The following MR1 variants were observed in gnomAD, a reference collection of about 807,000 sequenced individuals.
MR1 encodes major histocompatibility complex, class I-related.
Under a neutral mutation model 37.8 loss-of-function variants are expected in MR1, and 44 were observed. That is an observed-to-expected ratio of 1.16 (90% CI 0.91 to 1.50). The LOEUF is 1.50. MR1 is among the 40% of genes most tolerant of loss of function. The pLI is 0.00. For synonymous variants in MR1, 153 were observed against 155.8 expected (o/e 0.98, Z 0.13); for missense variants, 386 against 419.1 (o/e 0.92, Z 0.69).
At chr1:181,048,534 CAA>C (rs200449698) in intron 1 of MR1, among the ~76,000 whole-genome samples, 2 of 142,260 alleles carry the variant, frequency 1.4e-5, no homozygotes. Flanking sequence ...GACTCCATCT[CAA>C]AAAAAAAAAA....
chr1:181,036,238 C>T (rs149252910), intron 1 of MR1, among the ~76,000 whole-genome samples: 35 of 152,202 alleles, frequency 2.3e-4, no homozygotes, highest in African/African-American at 8.2e-4. Flanking sequence ...ATTCTTATCT[C>T]TTAAGCCCTA....
At chr1:181,047,078 C>T (rs1657925439) in intron 1 of MR1, among the ~76,000 whole-genome samples, 2 of 152,136 alleles carry the variant, frequency 1.3e-5, no homozygotes, top group South Asian at 4.1e-4. Context: ...CACACCACCA[C>T]CCATAATGCC....
chr1:181,042,232 C>T (rs1321646880), intron 1 of MR1, among the ~76,000 whole-genome samples: 86 of 144,464 alleles, frequency 6.0e-4, no homozygotes, highest in Non-Finnish European at 2.5e-4. Flanking sequence ...GATGGAGTCT[C>T]GCTCTTGTTG....
At chr1:181,053,718 T>A in intron 5 of MR1, 41 bp downstream of exon 5, 1 of 1,347,798 alleles carries the variant, frequency 7.4e-7, no homozygotes, top group Non-Finnish European at 1.1e-6. Context: ...CTGCAGACTC[T>A]CCTGCATCTC....
In MR1 at chr1:181,043,191, A is replaced by C. The variant is rs2102373590; in HGVS notation, c.68-5861A>C. Among the ~76,000 whole-genome samples the C allele has an allele frequency of 2.6e-5, 4 of 152,252 alleles. No individual in the cohort carries two copies. The South Asian group carries it at 8.3e-4, about 32-fold the overall frequency. On this transcript the variant is annotated intron_variant, in intron 1 of 5. Coordinates refer to ENST00000367580, the MANE Select transcript of MR1 (RefSeq NM_001385161.1). ...TTCCACTGTCTTCCCTCCCAACCCAAGCCCTCACCCACCACAGGAAGGGAA... is the reference window on the plus strand; with the variant it reads ...TTCCACTGTCTTCCCTCCCAACCCACGCCCTCACCCACCACAGGAAGGGAA...
At chr1:181,047,731 A>G (rs1657986827) in intron 1 of MR1, among the ~76,000 whole-genome samples, 1 of 150,094 alleles carries the variant, frequency 6.7e-6, no homozygotes, top group East Asian at 2.0e-4. Context: ...CCCCATCTCT[A>G]CTTTAAAAAT....
At chr1:181,045,261 G>C (rs1354870429) in intron 1 of MR1, among the ~76,000 whole-genome samples, 1 of 152,142 alleles carries the variant, frequency 6.6e-6, no homozygotes, top group African/African-American at 2.4e-5. Context: ...AGGACAAAAG[G>C]CTTGGACATG....
At chr1:181,039,284 C>A (rs904126796) in intron 1 of MR1, among the ~76,000 whole-genome samples, 1 of 152,200 alleles carries the variant, frequency 6.6e-6, no homozygotes, top group Non-Finnish European at 1.5e-5. Flanking sequence ...GCCCTTTATG[C>A]CTCATTGAAG....
In MR1 at chr1:181,058,954, G is replaced by C. The variant is rs1228837806; in HGVS notation, c.*3689G>C. 1 of 152,248 alleles carries C rather than the reference G, an allele frequency of 6.6e-6. No individual in the cohort carries two copies. The highest frequency in any genetic ancestry group is 1.5e-5 in the Non-Finnish European group (1 of 68,048). The allele number at this position is 152,248 out of a possible 1,614,324, so 9.4% of individuals were successfully genotyped here. A position where few individuals can be genotyped will look rare whatever the true frequency, so the allele number is the denominator to read the frequency against. On this transcript the variant is annotated 3_prime_UTR_variant, in exon 6 of 6. Coordinates refer to ENST00000367580, the MANE Select transcript of MR1 (RefSeq NM_001385161.1). ...ATCTGTAGAGTGCTTGATGACCCCA[G>C]AATTGGTGCAAGGGGACACATTCTT...
Position 181,055,251 on chromosome 1 carries a change from A to G in MR1, c.1012A>G (p.Thr338Ala), listed in dbSNP as rs1658550631. ...GCAAAATGGAGCCATCTACCTTCCA[A>G]CACCAGATCGATGATTGCAGATCCC... The part of the protein sequence containing the change: ...REQNGAIYLP[T>A]PDR The change falls in exon 6 of 6, where the codon ACA becomes GCA. Residue 338 changes from threonine to alanine, a missense_variant. Coordinates refer to ENST00000367580, the MANE Select transcript of MR1 (RefSeq NM_001385161.1). The G allele has an allele frequency of 6.2e-7, 1 of 1,613,516 alleles. No homozygotes were observed. Among genetic ancestry groups the G allele is most frequent in the Non-Finnish European group, 8.5e-7 (1 of 1,179,588 alleles).
rs1658141803 is a variant in MR1, at chr1:181,049,248, G to T, written c.264G>T (p.Leu88=). Reference sequence around the variant, plus strand: ...ACTGGGAGAGGTACACTCAGCTGCTGAGGGGCTGGCAGCAGATGTTCAAGG... The same window carrying T: ...ACTGGGAGAGGTACACTCAGCTGCTTAGGGGCTGGCAGCAGATGTTCAAGG... ...PDHWERYTQL[L]RGWQQMFKVE... is the part of the protein sequence containing the mutation. The change falls in exon 2 of 6, where the codon CTG becomes CTT. Residue 88 remains leucine (L), a synonymous_variant. Coordinates refer to ENST00000367580, the MANE Select transcript of MR1 (RefSeq NM_001385161.1). 6.2e-7 allele frequency: 1 copy of T among 1,614,082 alleles called. No homozygotes were observed. Among genetic ancestry groups the T allele is most frequent in the African/African-American group, 1.3e-5 (1 of 74,930 alleles).
At chr1:181,050,625 A>G (rs1658257806) in intron 3 of MR1, 3 of 324,362 alleles carry the variant, frequency 9.2e-6, no homozygotes, top group South Asian at 8.8e-5. Context: ...TTAGTTAACA[A>G]AGGGCTCACA....
In MR1 at chr1:181,055,540, AT is replaced by A. The variant is rs1658568526; in HGVS notation, c.*277del. 1 of 459,336 alleles carries A rather than the reference AT, an allele frequency of 2.2e-6. No individual in the cohort carries two copies. Among genetic ancestry groups the A allele is most frequent in the African/African-American group, 2.0e-5 (1 of 50,810 alleles). 28.5% of individuals were successfully genotyped at this position (459,336 alleles called of 1,614,324 possible). ...GTCTCATGACACAACGCTTCCCTAC[AT>A]TCTATTTGTCAATGATGATTTGCAA... On this transcript the variant is annotated 3_prime_UTR_variant, in exon 6 of 6. Transcript: ENST00000367580.
rs1658588595 is a variant in MR1, at chr1:181,055,893, CT to C, written c.*629del. On this transcript the variant is annotated 3_prime_UTR_variant, in exon 6 of 6. Coordinates refer to ENST00000367580, the MANE Select transcript of MR1 (RefSeq NM_001385161.1). ...CCTGAGAGAAAGCCAAAGTCCCCTG[CT>C]GTTCACAGCAACCCTGCCTGGGAGC... 1 of 152,300 alleles carries C rather than the reference CT, an allele frequency of 6.6e-6. No homozygotes were observed. The highest frequency in any genetic ancestry group is 1.5e-5 in the Non-Finnish European group (1 of 68,144). 9.4% of individuals were successfully genotyped at this position (152,300 alleles called of 1,614,324 possible).
rs377711741 is a variant in MR1, at chr1:181,060,134, C to T, written c.*4869C>T. 6.8e-6 allele frequency: 1 copy of T among 147,294 alleles called. No homozygotes were observed. Among genetic ancestry groups the T allele is most frequent in the African/African-American group, 2.4e-5 (1 of 40,962 alleles). The allele number at this position is 147,294 out of a possible 1,614,324, so 9.1% of individuals were successfully genotyped here. A position where few individuals can be genotyped will look rare whatever the true frequency, so the allele number is the denominator to read the frequency against. On this transcript the variant is annotated 3_prime_UTR_variant, in exon 6 of 6. Transcript: ENST00000367580. The stretch of plus-strand genomic sequence containing the variant: ...AAAGGATCTGTTCCAGGCTTCCCTC[C>T]TATCTTCTGGTTGTTCCTTGCCTTC...
intron 5 of MR1, 108 bp downstream of exon 5, chr1:181,053,785 C>A: frequency 1.2e-6 from 1 of 809,530 alleles, no homozygotes; most frequent in African/African-American, 1.7e-5. Flanking sequence ...TGGCTTGGCT[C>A]TCAGGCTGGG....
intron 1 of MR1, among the ~76,000 whole-genome samples, chr1:181,038,898 G>A (rs953733723): frequency 6.6e-6 from 1 of 152,082 alleles, no homozygotes; most frequent in African/African-American, 2.4e-5. Context: ...CCGCCTCCTG[G>A]GTTCAAGCGA....
Position 181,040,619 on chromosome 1 carries a change from T to C in MR1, c.67+6545T>C, listed in dbSNP as rs988626658. On this transcript the variant is annotated intron_variant, in intron 1 of 5. Coordinates refer to ENST00000367580, the MANE Select transcript of MR1 (RefSeq NM_001385161.1). ...TGAAGAGGAAGGGACTGTGATGTCCTGGAGCAGAGCCACGCTGGGCTGAAC... is the reference window on the plus strand; with the variant it reads ...TGAAGAGGAAGGGACTGTGATGTCCCGGAGCAGAGCCACGCTGGGCTGAAC... Among the ~76,000 whole-genome samples, 4 of 152,308 alleles carry C rather than the reference T, an allele frequency of 2.6e-5. No homozygotes were observed. In the South Asian group the frequency reaches 6.2e-4, roughly 24 times the overall value.
chr1:181,035,726 G>A (rs1657236001), intron 1 of MR1, among the ~76,000 whole-genome samples: 2 of 152,080 alleles, frequency 1.3e-5, no homozygotes, highest in Non-Finnish European at 2.9e-5. Context: ...TTTTCTCTAG[G>A]CCTAGAGAGT....
Sources: allele counts gnomAD v4.1 joint callset (sites outside exome capture counted in the v4.1 genomes callset), GRCh38; gene constraint gnomAD v4.1.1; transcripts MANE v1.5; gene names NCBI Gene and HGNC (gene_info 2026-07-23, HGNC 2026-07-21).